Variants in MAGI2 observed in about 807,000 individuals in gnomAD.
MAGI2 encodes membrane-associated guanylate kinase, WW and PDZ domain-containing protein 2.
A neutral mutation model predicts 133.3 loss-of-function variants in MAGI2; 35 were observed. The ratio of observed to expected loss-of-function variants is 0.26; its 90% CI spans 0.20 to 0.35. MAGI2 has a LOEUF of 0.35. MAGI2 is among the 10% of genes least tolerant of loss of function. MAGI2 has a pLI of 1.00. For synonymous variants in MAGI2, 729 were observed against 710.6 expected, an observed-to-expected ratio of 1.03 and a Z score of -0.41; for missense variants, 1,636 against 1,863.4, an observed-to-expected ratio of 0.88 and a Z score of 2.25.
intron 9 of MAGI2, among the ~76,000 whole-genome samples, chr7:78,313,475 C>A (rs1798894355): frequency 6.6e-6 from 1 of 151,984 alleles, no homozygotes; most frequent in Non-Finnish European, 1.5e-5. Flanking sequence ...CATCAAAATG[C>A]ATTTTCCAAT....
intron 21 of MAGI2, among the ~76,000 whole-genome samples, chr7:78,026,790 C>CTT (rs1808963828): frequency 6.6e-6 from 1 of 152,190 alleles, no homozygotes; most frequent in Non-Finnish European, 1.5e-5. Flanking sequence ...TCCTACATTG[C>CTT]TTTCCTACTC....
chr7:79,301,867 T>C (rs138100939), intron 1 of MAGI2, among the ~76,000 whole-genome samples: 55 of 152,292 alleles, frequency 3.6e-4, no homozygotes, highest in African/African-American at 1.2e-3. Context: ...GTCTTCATGA[T>C]AGTGAGTGAA....
At chr7:79,173,341 C>A (rs1377372538) in intron 1 of MAGI2, among the ~76,000 whole-genome samples, 1 of 150,764 alleles carries the variant, frequency 6.6e-6, no homozygotes, top group African/African-American at 2.4e-5. Context: ...TTTTTTACTT[C>A]TGATGATAAG....
intron 20 of MAGI2, among the ~76,000 whole-genome samples, chr7:78,105,705 CTTTT>C (rs1464583549): frequency 2.0e-5 from 3 of 151,326 alleles, no homozygotes; most frequent in Non-Finnish European, 4.4e-5. Flanking sequence ...TTGTATTTTC[CTTTT>C]TTTATTTTTT....
At chr7:78,403,587 A>T (rs1391592389) in intron 6 of MAGI2, among the ~76,000 whole-genome samples, 1 of 152,166 alleles carries the variant, frequency 6.6e-6, no homozygotes, top group African/African-American at 2.4e-5. Context: ...TGTCTTCCAC[A>T]ATGGTTGAAC....
At chr7:79,246,246 C>T (rs1438800152) in intron 1 of MAGI2, among the ~76,000 whole-genome samples, 2 of 152,214 alleles carry the variant, frequency 1.3e-5, no homozygotes, top group Non-Finnish European at 2.9e-5. Context: ...CAGACAACAA[C>T]GAATATCCAC....
intron 9 of MAGI2, among the ~76,000 whole-genome samples, chr7:78,281,884 C>CAAA (rs60871451): frequency 0.23 from 32,052 of 139,378 alleles, 4,502 homozygotes; most frequent in African/African-American, 0.41. Context: ...AACTCCATCT[C>CAAA]AAAAAAAAAA....
chr7:78,265,639 A>G (rs1584626050), intron 9 of MAGI2, among the ~76,000 whole-genome samples: 1 of 152,328 alleles, frequency 6.6e-6, no homozygotes, highest in East Asian at 1.9e-4. Flanking sequence ...GGTTATGGAC[A>G]CACCTGTGGA....
At chr7:78,886,563 T>C (rs1796288251) in intron 2 of MAGI2, among the ~76,000 whole-genome samples, 1 of 152,210 alleles carries the variant, frequency 6.6e-6, no homozygotes. Flanking sequence ...TTTCCTTCTT[T>C]CTTTACCTAT....
intron 21 of MAGI2, among the ~76,000 whole-genome samples, chr7:78,054,344 T>C (rs1365005883): frequency 6.6e-6 from 1 of 152,140 alleles, no homozygotes; most frequent in African/African-American, 2.4e-5. Flanking sequence ...CAGGCTGGTC[T>C]TGAAATCCTG....
chr7:78,859,543 T>C (rs1033815884), intron 2 of MAGI2, among the ~76,000 whole-genome samples: 3 of 152,218 alleles, frequency 2.0e-5, no homozygotes, highest in African/African-American at 4.8e-5. Context: ...AAAATTCTTT[T>C]CTTTAGGAAT....
chr7:78,908,014 G>A (rs1299663228), intron 2 of MAGI2, among the ~76,000 whole-genome samples: 1 of 152,172 alleles, frequency 6.6e-6, no homozygotes, highest in Non-Finnish European at 1.5e-5. Flanking sequence ...AAAGAAAGAG[G>A]AGGAGAGGAG....
intron 2 of MAGI2, among the ~76,000 whole-genome samples, chr7:78,755,051 T>C (rs1042342250): frequency 6.6e-6 from 1 of 152,200 alleles, no homozygotes; most frequent in Non-Finnish European, 1.5e-5. Flanking sequence ...AAATTCAACC[T>C]TTGCAGGCCA....
chr7:79,031,862 T>C (rs1376036765), intron 1 of MAGI2, among the ~76,000 whole-genome samples: 1 of 152,162 alleles, frequency 6.6e-6, no homozygotes, highest in Non-Finnish European at 1.5e-5. Flanking sequence ...GATTTAGATT[T>C]ATCATCCAAA....
Position 78,967,142 on chromosome 7 carries a change from A to G in MAGI2, c.418+39948T>C, listed in dbSNP as rs1174758785. Among the ~76,000 whole-genome samples the G allele has an allele frequency of 2.0e-5, 3 of 151,592 alleles. No homozygotes were observed. The East Asian group carries it at 5.8e-4, about 29-fold the overall frequency. On this transcript the variant is annotated intron_variant, in intron 2 of 21. Transcript: ENST00000354212. The stretch of plus-strand genomic sequence containing the variant: ...ATTTTCCTTAAAGACAAAATATTCC[A>G]TGTTGCCCAGGCTGGTCTCAAACTC...
chr7:78,047,233 G>T (rs1021790506), intron 21 of MAGI2, among the ~76,000 whole-genome samples: 2 of 152,148 alleles, frequency 1.3e-5, no homozygotes, highest in African/African-American at 4.8e-5. Context: ...TCCCTTGAAG[G>T]CAAATAAAAT....
intron 1 of MAGI2, among the ~76,000 whole-genome samples, chr7:79,157,620 A>G (rs1171283870): frequency 1.3e-5 from 2 of 151,358 alleles, no homozygotes; most frequent in Non-Finnish European, 1.5e-5. Flanking sequence ...AAGCAGAATG[A>G]CCCCCTTTCA....
intron 2 of MAGI2, among the ~76,000 whole-genome samples, chr7:78,674,617 G>A (rs1325644105): frequency 6.6e-6 from 1 of 151,906 alleles, no homozygotes; most frequent in Non-Finnish European, 1.5e-5. Flanking sequence ...TTTCACCTTT[G>A]TTATTTATAA....
At chr7:78,143,840 C>A (rs1452851370) in intron 16 of MAGI2, among the ~76,000 whole-genome samples, 2 of 151,682 alleles carry the variant, frequency 1.3e-5, no homozygotes, top group Non-Finnish European at 2.9e-5. Flanking sequence ...GTTGCTTCAT[C>A]AGCTCATTTC....
Sources: allele counts gnomAD v4.1 joint callset (sites outside exome capture counted in the v4.1 genomes callset), GRCh38; gene constraint gnomAD v4.1.1; transcripts MANE v1.5; gene names NCBI Gene and HGNC (gene_info 2026-07-23, HGNC 2026-07-21).